The following SNTB2 variants were observed in gnomAD, a reference collection of about 807,000 sequenced individuals.
SNTB2 encodes syntrophin beta 2.
In SNTB2, 34 loss-of-function variants were observed where a neutral mutation model predicts 46.2. The observed-to-expected ratio is 0.74, with a 90% CI of 0.56 to 0.98. The LOEUF is 0.98. Among genes scored for constraint, SNTB2 ranks in the 50% least tolerant of loss-of-function variants. The pLI is 0.00. For synonymous variants in SNTB2, 290 were observed against 312.6 expected (o/e 0.93, Z 0.76); for missense variants, 603 against 731.4 (o/e 0.82, Z 2.02).
intron 1 of SNTB2, among the ~76,000 whole-genome samples, chr16:69,199,343 G>C (rs1303608397): frequency 6.6e-6 from 1 of 152,142 alleles, no homozygotes; most frequent in Non-Finnish European, 1.5e-5. Flanking sequence ...AATATTTTAT[G>C]TTGTAGATTT....
chr16:69,285,358 T>C (rs1054842089), intron 5 of SNTB2, among the ~76,000 whole-genome samples: 30 of 88,896 alleles, frequency 3.4e-4, no homozygotes, highest in South Asian at 5.6e-4. Flanking sequence ...TCATCTCTCT[T>C]TTTTTTTTTT....
At chr16:69,243,967 AC>A (rs1964643929) in intron 1 of SNTB2, among the ~76,000 whole-genome samples, 1 of 152,212 alleles carries the variant, frequency 6.6e-6, no homozygotes, top group African/African-American at 2.4e-5. Flanking sequence ...TCTACTGATT[AC>A]CATTAAAATT....
intron 5 of SNTB2, among the ~76,000 whole-genome samples, chr16:69,292,386 TA>T (rs1965173486): frequency 1.3e-4 from 2 of 15,816 alleles, no homozygotes; most frequent in African/African-American, 6.5e-4. Context: ...ATATTATATA[TA>T]TATTATATAT....
intron 3 of SNTB2, among the ~76,000 whole-genome samples, chr16:69,267,121 G>T (rs537230891): frequency 6.6e-6 from 1 of 151,794 alleles, no homozygotes; most frequent in Non-Finnish European, 1.5e-5. Flanking sequence ...TCTGCCTCCC[G>T]GGTTCAAGCG....
At chr16:69,257,163 C>T (rs951941369) in intron 2 of SNTB2, among the ~76,000 whole-genome samples, 7 of 141,934 alleles carry the variant, frequency 4.9e-5, no homozygotes, top group African/African-American at 1.9e-4. Context: ...GAGCGAGACT[C>T]CATCTCAAAA....
Position 69,307,047 on chromosome 16 carries a change from A to G in SNTB2, c.*6123A>G, listed in dbSNP as rs1440811546. The G allele has an allele frequency of 1.3e-5, 2 of 152,378 alleles. No individual in the cohort carries two copies. The highest frequency in any genetic ancestry group is 1.9e-4 in the East Asian group (1 of 5,194). The allele number at this position is 152,378 out of a possible 1,614,324, so 9.4% of individuals were successfully genotyped here. On this transcript the variant is annotated 3_prime_UTR_variant, in exon 7 of 7. Coordinates refer to ENST00000336278, the MANE Select transcript of SNTB2 (RefSeq NM_006750.4). ...TATTGACACTAATTTTGAAACTGGA[A>G]AGCTAATTAATGACATATTCATGTG...
At chr16:69,285,643 C>A (rs1965095452) in intron 5 of SNTB2, among the ~76,000 whole-genome samples, 1 of 149,164 alleles carries the variant, frequency 6.7e-6, no homozygotes, top group Admixed American at 6.7e-5. Context: ...CAGCACCCAG[C>A]TAATTAAAAA....
intron 1 of SNTB2, among the ~76,000 whole-genome samples, chr16:69,204,524 A>G (rs934481182): frequency 6.6e-6 from 1 of 152,240 alleles, no homozygotes; most frequent in African/African-American, 2.4e-5. Context: ...TGAATTTTAA[A>G]TTCTTTCAGA....
chr16:69,229,875 A>C (rs1597180220), intron 1 of SNTB2, among the ~76,000 whole-genome samples: 1 of 120,132 alleles, frequency 8.3e-6, no homozygotes, highest in African/African-American at 3.2e-5. Context: ...TCAGCCTTGA[A>C]CTCCTGGCTC....
chr16:69,275,721 C>G (rs1223063215), intron 4 of SNTB2, among the ~76,000 whole-genome samples: 1 of 152,098 alleles, frequency 6.6e-6, no homozygotes, highest in African/African-American at 2.4e-5. Flanking sequence ...TGTTTAATTT[C>G]CCTAATTCTA....
chr16:69,250,531 G>C, intron 2 of SNTB2, among the ~76,000 whole-genome samples: 1 of 152,094 alleles, frequency 6.6e-6, no homozygotes, highest in East Asian at 1.9e-4. Context: ...TAATTTCTCT[G>C]TCCTCCTGTT....
At chr16:69,260,546 T>C (rs1964825088) in intron 3 of SNTB2, among the ~76,000 whole-genome samples, 1 of 152,174 alleles carries the variant, frequency 6.6e-6, no homozygotes, top group African/African-American at 2.4e-5. Context: ...CAGAGGATAA[T>C]TTTCATGATT....
chr16:69,249,273 G>A (rs1021561690), intron 2 of SNTB2, among the ~76,000 whole-genome samples: 2 of 152,028 alleles, frequency 1.3e-5, no homozygotes, highest in Admixed American at 6.6e-5. Context: ...CAATCTACTC[G>A]CTTTGGTCTC....
At position 69,304,841 on chromosome 16, in the gene SNTB2, T is replaced by C. The variant is rs982109600; in HGVS notation, c.*3917T>C. ...ACCACACCTGGCTAATTTTTATGGATTTTTTTTTCTTTTTTTTTTTTCGCC... is the reference window on the plus strand; with the variant it reads ...ACCACACCTGGCTAATTTTTATGGACTTTTTTTTCTTTTTTTTTTTTCGCC... On this transcript the variant is annotated 3_prime_UTR_variant, in exon 7 of 7. Coordinates refer to ENST00000336278, the MANE Select transcript of SNTB2 (RefSeq NM_006750.4). 6.7e-6 allele frequency: 1 copy of C among 150,288 alleles called. No individual in the cohort carries two copies. Among genetic ancestry groups the C allele is most frequent in the Non-Finnish European group, 1.5e-5 (1 of 67,686 alleles). The allele number at this position is 150,288 out of a possible 1,614,324, so 9.3% of individuals were successfully genotyped here.
chr16:69,207,359 C>A lies in SNTB2; in HGVS notation c.580+19613C>A, dbSNP rs565488877. The stretch of plus-strand genomic sequence containing the variant: ...TCGGTAGAGATGGCGTTTCACTATA[C>A]GTTGGCCAGGCTGGTTTCGAACTCC... On this transcript the variant is annotated intron_variant, in intron 1 of 6. Coordinates refer to ENST00000336278, the MANE Select transcript of SNTB2 (RefSeq NM_006750.4). 3.0e-4 allele frequency among the ~76,000 whole-genome samples: 45 copies of A among 148,426 alleles called. No homozygotes were observed. In the South Asian group the frequency reaches 9.5e-3, roughly 31 times the overall value.
At chr16:69,269,578 G>C (rs115072109) in intron 3 of SNTB2, among the ~76,000 whole-genome samples, 2,270 of 152,132 alleles carry the variant, frequency 0.015, 56 homozygotes, top group African/African-American at 0.051. Context: ...GTGTTATTTG[G>C]AAAATATTTT....
chr16:69,266,620 G>A (rs1192203556), intron 3 of SNTB2, among the ~76,000 whole-genome samples: 1 of 152,004 alleles, frequency 6.6e-6, no homozygotes, highest in Non-Finnish European at 1.5e-5. Flanking sequence ...TACCTTCTTT[G>A]GAAAGAAATA....
chr16:69,274,583 G>A (rs1964968884), intron 4 of SNTB2, among the ~76,000 whole-genome samples: 1 of 150,990 alleles, frequency 6.6e-6, no homozygotes, highest in Non-Finnish European at 1.5e-5. Flanking sequence ...AACCCAGGAG[G>A]CAGAGCTCGC....
At chr16:69,243,163 A>G (rs1027511463) in intron 1 of SNTB2, among the ~76,000 whole-genome samples, 1 of 152,212 alleles carries the variant, frequency 6.6e-6, no homozygotes, top group East Asian at 1.9e-4. Flanking sequence ...GAAAAATGAA[A>G]TGATTCTGAA....
Sources: gnomAD v4.1 joint callset for allele counts (sites outside exome capture counted in the v4.1 genomes callset) on GRCh38, gnomAD v4.1.1 for gene constraint, MANE v1.5 for transcripts, NCBI Gene and HGNC (gene_info 2026-07-23, HGNC 2026-07-21) for gene names.